The following CPT1A variants were observed in gnomAD, a reference collection of about 807,000 sequenced individuals.
The protein encoded by CPT1A is carnitine palmitoyltransferase 1A.
CPT1A carries 64 observed loss-of-function variants against 100.8 expected under a neutral mutation model. The observed-to-expected ratio is 0.63, with a 90% confidence interval of 0.52 to 0.78. The LOEUF (loss-of-function observed/expected upper bound fraction) is 0.78. Ranked by LOEUF, CPT1A falls within the 30% of genes least tolerant of loss-of-function variation. The probability of loss-of-function intolerance (pLI) is 0.00; values close to 1 mark genes in which losing one functional copy is unlikely to be tolerated. For synonymous variants in CPT1A, 363 were observed against 396.0 expected, an observed-to-expected ratio of 0.92 and a Z score of 0.99; for missense variants, 802 against 1,034.1, an observed-to-expected ratio of 0.78 and a Z score of 3.08.
chr11:68,818,710 T>G (rs1293142367), intron 1 of CPT1A: 1 of 151,888 alleles, frequency 6.6e-6, no homozygotes, highest in Non-Finnish European at 1.5e-5. Flanking sequence ...AATAAAAAAT[T>G]AGCCAGGTGT....
intron 9 of CPT1A, among the ~76,000 whole-genome samples, chr11:68,787,942 C>CAAAA (rs58079850): frequency 4.4e-5 from 2 of 45,654 alleles, no homozygotes; most frequent in Non-Finnish European, 9.2e-5. Context: ...GACTCAGTCT[C>CAAAA]AAAAAAAAAA....
intron 1 of CPT1A, among the ~76,000 whole-genome samples, chr11:68,836,854 A>G (rs1857022735): frequency 6.6e-6 from 1 of 151,222 alleles, no homozygotes; most frequent in Admixed American, 6.6e-5. Context: ...AAGAAAGGGA[A>G]GGAAGGAAGG....
Position 68,766,676 on chromosome 11 carries a change from C to G in CPT1A, c.1741-3915G>C, listed in dbSNP as rs532449977. Among the ~76,000 whole-genome samples the G allele has an allele frequency of 1.1e-3, 169 of 151,816 alleles. 1 individual carries two copies. The highest frequency in any genetic ancestry group is 1.8e-3 in the Non-Finnish European group (125 of 67,918). ...AATTTTTTGCATTTTTTGGTAGAGG[C>G]AGGGTTTCACCATGATGGCCAGGCT... On this transcript the variant is annotated intron_variant, in intron 14 of 18. Transcript: ENST00000265641.
chr11:68,799,108 T>C (rs1855831130), intron 6 of CPT1A, 110 bp downstream of exon 6: 3 of 969,048 alleles, frequency 3.1e-6, no homozygotes, highest in Non-Finnish European at 4.9e-6. Flanking sequence ...TCCTAGGGTG[T>C]GATTTTGGCT....
At chr11:68,823,342 G>C (rs941385755) in intron 1 of CPT1A, among the ~76,000 whole-genome samples, 2 of 152,160 alleles carry the variant, frequency 1.3e-5, no homozygotes, top group African/African-American at 4.8e-5. Flanking sequence ...AAAAAATACT[G>C]TCTGAAGAAG....
intron 3 of CPT1A, among the ~76,000 whole-genome samples, chr11:68,810,337 T>C (rs1856167642): frequency 6.6e-6 from 1 of 152,166 alleles, no homozygotes; most frequent in African/African-American, 2.4e-5. Flanking sequence ...AGCACCCAGG[T>C]CTGCCAGCTG....
upstream of CPT1A, chr11:68,842,043 G>A (rs115974092): frequency 1.7e-3 from 1,477 of 853,802 alleles, 15 homozygotes; most frequent in African/African-American, 0.024. Context: ...AGGCTCGAGC[G>A]GGTGCTCGCG....
At chr11:68,778,391 C>A (rs537199315) in intron 12 of CPT1A, among the ~76,000 whole-genome samples, 1 of 152,138 alleles carries the variant, frequency 6.6e-6, no homozygotes, top group Non-Finnish European at 1.5e-5. Flanking sequence ...AAAACTGGCA[C>A]CAGAATTTGT....
At chr11:68,796,042 A>C (rs2924677) in intron 7 of CPT1A, among the ~76,000 whole-genome samples, 149,216 of 152,232 alleles carry the variant, frequency 0.98, 73,196 homozygotes, top group Middle Eastern at 1. Context: ...GGTCAAGAAC[A>C]CAAACTGAGA....
upstream of CPT1A, among the ~76,000 whole-genome samples, chr11:68,842,228 G>A (rs907467968): frequency 6.6e-6 from 1 of 152,140 alleles, no homozygotes; most frequent in Non-Finnish European, 1.5e-5. Context: ...TAATGCTCCA[G>A]GCACCCCCTG....
At chr11:68,814,734 T>C (rs1856335277) in intron 2 of CPT1A, among the ~76,000 whole-genome samples, 1 of 152,192 alleles carries the variant, frequency 6.6e-6, no homozygotes, top group Admixed American at 6.6e-5. Flanking sequence ...TTGCCCAGGC[T>C]GGAGTGTGGT....
chr11:68,807,665 G>A, intron 3 of CPT1A, 27 bp from the exon 4 acceptor site: 1 of 1,612,900 alleles, frequency 6.2e-7, no homozygotes, highest in South Asian at 1.1e-5. Context: ...AGACAAGGGA[G>A]GCTGTGCGTG....
intron 1 of CPT1A, among the ~76,000 whole-genome samples, chr11:68,836,235 CA>C (rs1857006639): frequency 6.6e-6 from 1 of 151,832 alleles, no homozygotes; most frequent in African/African-American, 2.4e-5. Flanking sequence ...CAACGCTTTG[CA>C]AGGCCAAGGT....
chr11:68,772,052 AC>A (rs1181584965), intron 14 of CPT1A, among the ~76,000 whole-genome samples: 4 of 152,216 alleles, frequency 2.6e-5, no homozygotes, highest in African/African-American at 4.8e-5. Context: ...TGTGTACAGC[AC>A]TCAAGTTTTA....
intron 9 of CPT1A, among the ~76,000 whole-genome samples, chr11:68,789,980 ATGAGT>A (rs902063794): frequency 4.0e-4 from 61 of 152,324 alleles, no homozygotes; most frequent in African/African-American, 1.4e-3. Flanking sequence ...CGTTGTTGTA[ATGAGT>A]TGAGCTGTTT....
At chr11:68,809,017 C>T (rs1036781680) in intron 3 of CPT1A, among the ~76,000 whole-genome samples, 2 of 143,782 alleles carry the variant, frequency 1.4e-5, no homozygotes, top group Non-Finnish European at 3.0e-5. Context: ...AATATTTCTT[C>T]AAAATAAGAA....
Position 68,762,785 on chromosome 11 carries a change from T to G in CPT1A, c.1741-24A>C, listed in dbSNP as rs372662424. The G allele has an allele frequency of 2.5e-4, 399 of 1,613,718 alleles. 2 individuals carry two copies. The highest frequency in any genetic ancestry group is 3.1e-4 in the Non-Finnish European group (368 of 1,180,002). On this transcript the variant is annotated intron_variant, in intron 14 of 18. Transcript: ENST00000265641. ...TCCTGGGGAAAGAGAAGTACTTCAG[T>G]GCACGGCAGGGCATGCTGATATGTC...
At chr11:68,778,673 G>A (rs1156506147) in intron 12 of CPT1A, among the ~76,000 whole-genome samples, 2 of 151,726 alleles carry the variant, frequency 1.3e-5, no homozygotes, top group African/African-American at 4.8e-5. Flanking sequence ...ACCAGCCTGG[G>A]TGACAGAACA....
intron 1 of CPT1A, among the ~76,000 whole-genome samples, chr11:68,831,966 T>C (rs1018737568): frequency 1.3e-5 from 2 of 152,176 alleles, no homozygotes; most frequent in Non-Finnish European, 1.5e-5. Flanking sequence ...CTTTGGCATA[T>C]GCTAGACAAT....
Sources: allele counts gnomAD v4.1 joint callset (sites outside exome capture counted in the v4.1 genomes callset), GRCh38; gene constraint gnomAD v4.1.1; transcripts MANE v1.5; gene names NCBI Gene and HGNC (gene_info 2026-07-23, HGNC 2026-07-21).